ARL13B: variants seen among roughly 807,000 people sequenced by gnomAD.
ARL13B encodes the protein ARF like GTPase 13B.
In ARL13B, 36 loss-of-function variants were observed where a neutral mutation model predicts 56.1. The ratio of observed to expected loss-of-function variants is 0.64; its 90% confidence interval spans 0.49 to 0.85. The LOEUF is 0.85. Among genes scored for constraint, ARL13B ranks in the 40% least tolerant of loss-of-function variants. The pLI is 0.00. For synonymous variants in ARL13B, 178 were observed against 171.1 expected (o/e 1.04, Z -0.32); for missense variants, 519 against 507.1 (o/e 1.02, Z -0.23).
chr3:94,018,975 A>G (rs1316813237), intron 3 of ARL13B, among the ~76,000 whole-genome samples: 3 of 152,030 alleles, frequency 2.0e-5, no homozygotes, highest in African/African-American at 7.2e-5. Flanking sequence ...CATGTTGGCC[A>G]GGCTGGTCGC....
chr3:94,030,384 G>A (rs749268207), intron 3 of ARL13B, among the ~76,000 whole-genome samples: 1 of 139,512 alleles, frequency 7.2e-6, no homozygotes. Flanking sequence ...ACGCCACCAC[G>A]CCTGGCTCAT....
chr3:94,024,892 T>C (rs976873923), intron 3 of ARL13B, among the ~76,000 whole-genome samples: 1 of 152,120 alleles, frequency 6.6e-6, no homozygotes, highest in African/African-American at 2.4e-5. Context: ...CCAGCCTCTT[T>C]TTTAAAAAAA....
chr3:93,981,685 C>T (rs1015104451), intron 1 of ARL13B, among the ~76,000 whole-genome samples: 6 of 151,734 alleles, frequency 4.0e-5, no homozygotes, highest in Admixed American at 2.6e-4. Context: ...AGTTCGAGAC[C>T]AGCCTGGTCA....
intron 3 of ARL13B, among the ~76,000 whole-genome samples, chr3:94,032,653 C>T (rs1365561058): frequency 4.6e-5 from 7 of 152,252 alleles, no homozygotes; most frequent in Admixed American, 3.3e-4. Flanking sequence ...CCTGCCACCA[C>T]GCCCGGCTAG....
chr3:94,005,570 A>G (rs747037640), intron 3 of ARL13B, among the ~76,000 whole-genome samples: 8 of 152,250 alleles, frequency 5.3e-5, no homozygotes. Context: ...CTGAATAGAA[A>G]AGAAAATACA....
rs568052715 is a variant in ARL13B, at chr3:94,043,250, C to G, written c.1024+10C>G. 4.2e-5 allele frequency: 67 copies of G among 1,603,666 alleles called. No individual in the cohort carries two copies. The highest frequency in any genetic ancestry group is 5.5e-5 in the Non-Finnish European group (64 of 1,172,042). On this transcript the variant is annotated intron_variant, in intron 7 of 9. Transcript: ENST00000394222. ...CCATCATTGGAATCAGGTAATAAAT[C>G]TAGTTATTTAAAGTAATTATCTTAT...
intron 1 of ARL13B, among the ~76,000 whole-genome samples, chr3:93,985,685 A>C (rs1365011861): frequency 6.6e-6 from 1 of 152,174 alleles, no homozygotes; most frequent in Non-Finnish European, 1.5e-5. Flanking sequence ...ATCATATTTC[A>C]ATTTTATTTT....
chr3:93,997,505 A>C (rs1348163416), intron 2 of ARL13B, among the ~76,000 whole-genome samples: 2 of 152,206 alleles, frequency 1.3e-5, no homozygotes, highest in Non-Finnish European at 2.9e-5. Context: ...ATTTTTTCTA[A>C]AGCCTATGTC....
intron 7 of ARL13B, among the ~76,000 whole-genome samples, chr3:94,046,426 AT>A (rs1278887659): frequency 1.3e-5 from 2 of 152,074 alleles, no homozygotes; most frequent in African/African-American, 4.8e-5. Context: ...TAATGGAATC[AT>A]ATAGAATGTA....
chr3:93,998,532 G>A (rs528240791), intron 2 of ARL13B, among the ~76,000 whole-genome samples: 3 of 152,208 alleles, frequency 2.0e-5, no homozygotes, highest in African/African-American at 7.2e-5. Context: ...AAACTTCCCA[G>A]ATGTAAGCCT....
intron 3 of ARL13B, chr3:94,014,480 T>C: frequency 4.4e-6 from 7 of 1,608,918 alleles, no homozygotes; most frequent in Non-Finnish European, 5.9e-6. Context: ...TTCTCTTTAG[T>C]ATTGTTAACA....
intron 3 of ARL13B, chr3:94,014,245 A>T: frequency 1.7e-6 from 1 of 602,702 alleles, no homozygotes; most frequent in Non-Finnish European, 2.5e-6. Flanking sequence ...TTAGTGGGTT[A>T]GGGTTAAAGG....
At chr3:93,999,623 T>C (rs2076021760) in intron 2 of ARL13B, among the ~76,000 whole-genome samples, 1 of 152,220 alleles carries the variant, frequency 6.6e-6, no homozygotes, top group South Asian at 2.1e-4. Flanking sequence ...TTATTGACTA[T>C]AGTCTGCCTG....
At chr3:94,007,626 T>C (rs1324764785) in intron 3 of ARL13B, among the ~76,000 whole-genome samples, 1 of 152,054 alleles carries the variant, frequency 6.6e-6, no homozygotes, top group East Asian at 1.9e-4. Flanking sequence ...TGTGACTTAT[T>C]CACTACCATG....
chr3:94,025,809 G>C (rs2076544275), intron 3 of ARL13B, among the ~76,000 whole-genome samples: 1 of 152,160 alleles, frequency 6.6e-6, no homozygotes, highest in Admixed American at 6.6e-5. Flanking sequence ...CAAGTCAACA[G>C]AGTTATTCCT....
chr3:94,044,413 T>C (rs2076937756), intron 7 of ARL13B, among the ~76,000 whole-genome samples: 1 of 140,748 alleles, frequency 7.1e-6, no homozygotes, highest in Admixed American at 7.1e-5. Flanking sequence ...GGAGTGCCTC[T>C]GCCCGGCTGC....
At chr3:93,992,943 G>A (rs1042105567) in intron 1 of ARL13B, among the ~76,000 whole-genome samples, 11 of 150,750 alleles carry the variant, frequency 7.3e-5, no homozygotes, top group South Asian at 2.1e-4. Flanking sequence ...ACAGGCGTGC[G>A]CTGCCATGCC....
intron 7 of ARL13B, among the ~76,000 whole-genome samples, chr3:94,043,830 G>A (rs1328975754): frequency 1.4e-5 from 2 of 147,984 alleles, no homozygotes; most frequent in African/African-American, 5.0e-5. Flanking sequence ...ACTGGTTTTT[G>A]TATTTTTGGT....
At chr3:94,045,416 C>A (rs750519870) in intron 7 of ARL13B, among the ~76,000 whole-genome samples, 1 of 147,372 alleles carries the variant, frequency 6.8e-6, no homozygotes, top group Non-Finnish European at 1.5e-5. Flanking sequence ...TCCCCCTCTC[C>A]GAGAAACACC....
Sources: gnomAD v4.1 joint callset for allele counts (sites outside exome capture counted in the v4.1 genomes callset) on GRCh38, gnomAD v4.1.1 for gene constraint, MANE v1.5 for transcripts, NCBI Gene and HGNC (gene_info 2026-07-23, HGNC 2026-07-21) for gene names.